FBXO38: variants seen among roughly 807,000 people sequenced by gnomAD.
FBXO38 encodes F-box only protein 38.
Under a neutral mutation model 131.9 loss-of-function variants are expected in FBXO38, and 53 were observed. The ratio of observed to expected loss-of-function variants is 0.40; its 90% CI spans 0.32 to 0.51. The LOEUF is 0.51. Among genes scored for constraint, FBXO38 ranks in the 20% least tolerant of loss-of-function variants. FBXO38 has a pLI of 0.53. For missense variants in FBXO38, 1,076 were observed against 1,475.6 expected (o/e 0.73, Z 4.44); for synonymous variants, 452 against 505.6 (o/e 0.89, Z 1.42).
intron 15 of FBXO38, among the ~76,000 whole-genome samples, chr5:148,429,180 C>T (rs1393675830): frequency 6.6e-6 from 1 of 152,146 alleles, no homozygotes. Flanking sequence ...GTCAGATATG[C>T]ATGTTTTCCT....
chr5:148,434,841 C>T (rs2113652374), intron 17 of FBXO38: 1 of 152,324 alleles, frequency 6.6e-6, no homozygotes, highest in Non-Finnish European at 1.5e-5. Flanking sequence ...CCTGTAATCC[C>T]AGCACTTTGG....
chr5:148,406,413 T>C lies in FBXO38; in HGVS notation c.868+19T>C. 1.3e-6 allele frequency: 2 copies of C among 1,521,830 alleles called. No individual in the cohort carries two copies. Among genetic ancestry groups the C allele is most frequent in the East Asian group, 2.4e-5 (1 of 42,516 alleles). 94.3% of individuals were successfully genotyped at this position (1,521,830 alleles called of 1,614,324 possible). A position where few individuals can be genotyped will look rare whatever the true frequency, so the allele number is the denominator to read the frequency against. On this transcript the variant is annotated intron_variant, in intron 7 of 21. Coordinates refer to ENST00000340253, the MANE Select transcript of FBXO38 (RefSeq NM_205836.3). Reference sequence around the variant, plus strand: ...AGATCAGGTATTCATTTTCTTTAATTACTAAATATTTTTTAAAAATCAACT... The same window carrying C: ...AGATCAGGTATTCATTTTCTTTAATCACTAAATATTTTTTAAAAATCAACT...
intron 15 of FBXO38, among the ~76,000 whole-genome samples, chr5:148,429,860 G>C (rs1024072583): frequency 1.3e-5 from 2 of 151,668 alleles, no homozygotes; most frequent in African/African-American, 4.8e-5. Context: ...TTTTTCTTAA[G>C]TTAAATCATT....
intron 7 of FBXO38, among the ~76,000 whole-genome samples, chr5:148,406,963 T>A (rs1561523596): frequency 6.6e-6 from 1 of 152,008 alleles, no homozygotes; most frequent in Non-Finnish European, 1.5e-5. Flanking sequence ...AGAAAAAAAA[T>A]AGTGGTTTAG....
chr5:148,387,569 C>T (rs1757977505), intron 1 of FBXO38, among the ~76,000 whole-genome samples: 1 of 152,148 alleles, frequency 6.6e-6, no homozygotes, highest in Admixed American at 6.5e-5. Flanking sequence ...TCCCATGAAT[C>T]ACAGACGTTC....
At chr5:148,397,268 C>T (rs569497522) in intron 2 of FBXO38, among the ~76,000 whole-genome samples, 49 of 152,226 alleles carry the variant, frequency 3.2e-4, no homozygotes, top group African/African-American at 1.0e-3. Context: ...TATATTTGAT[C>T]TGTCTTCTGA....
chr5:148,389,672 T>C (rs1758094981), intron 1 of FBXO38: 1 of 152,188 alleles, frequency 6.6e-6, no homozygotes, highest in Non-Finnish European at 1.5e-5. Context: ...AGTTTTCTCC[T>C]CACTTTCTTT....
At chr5:148,436,384 C>G (rs1174185751) in intron 17 of FBXO38, among the ~76,000 whole-genome samples, 1 of 152,134 alleles carries the variant, frequency 6.6e-6, no homozygotes, top group Non-Finnish European at 1.5e-5. Flanking sequence ...AGCCCAAGTG[C>G]TTAAAAATTC....
intron 12 of FBXO38, among the ~76,000 whole-genome samples, chr5:148,418,758 A>G (rs1290679784): frequency 6.6e-6 from 1 of 152,224 alleles, no homozygotes; most frequent in Admixed American, 6.5e-5. Flanking sequence ...GTTTGAGTTG[A>G]CACACAGATT....
intron 3 of FBXO38, chr5:148,399,630 A>G (rs527855800): frequency 1.0e-4 from 16 of 152,996 alleles, no homozygotes; most frequent in Admixed American, 4.6e-4. Flanking sequence ...TAAGCCACTG[A>G]CTGACCTTAC....
chr5:148,438,415 C>T lies in FBXO38; in HGVS notation c.2941C>T (p.Leu981=). 1 of 1,614,066 alleles carries T rather than the reference C, an allele frequency of 6.2e-7. No individual in the cohort carries two copies. The highest frequency in any genetic ancestry group is 2.2e-5 in the East Asian group (1 of 44,880). The part of the protein sequence containing the change: ...NRFDYAQCKK[L]NMDQVLDQIL... ...ATTTGACTATGCACAGTGCAAGAAA[C>T]TGAACATGGATCAGGTACTAGACCA... Residue 981 remains leucine, a synonymous_variant, in exon 18 of 22, where the codon CTG becomes TTG. Coordinates refer to ENST00000340253, the MANE Select transcript of FBXO38 (RefSeq NM_205836.3).
intron 2 of FBXO38, 67 bp from the exon 3 acceptor site, chr5:148,398,932 A>T: frequency 6.4e-7 from 1 of 1,568,832 alleles, no homozygotes; most frequent in Non-Finnish European, 8.7e-7. Flanking sequence ...AAGGAAAAAA[A>T]AATAACTTAC....
In FBXO38 at chr5:148,438,415, C is replaced by G. The variant is rs367636419; in HGVS notation, c.2941C>G (p.Leu981Val). 3.1e-6 allele frequency: 5 copies of G among 1,613,948 alleles called. No homozygotes were observed. In the African/African-American group the frequency reaches 6.7e-5, roughly 22 times the overall value. The change falls in exon 18 of 22, where the codon CTG becomes GTG. Residue 981 changes from leucine to valine, a missense_variant. Leu to Val is a conservative substitution (Grantham distance 32, BLOSUM62 1). Transcript: ENST00000340253. Reference protein sequence around the residue: ...NRFDYAQCKKLNMDQVLDQIL... With the variant: ...NRFDYAQCKKVNMDQVLDQIL... ...ATTTGACTATGCACAGTGCAAGAAA[C>G]TGAACATGGATCAGGTACTAGACCA...
In FBXO38 at chr5:148,424,064, C is replaced by T. The variant is rs748051444; in HGVS notation, c.1685C>T (p.Thr562Ile). ...GTGGTGGCCGAGAGTGGAAATAATA[C>T]TCCAGCTCACAGCCAGGCAATTATT... The part of the protein sequence containing the change: ...GEVVAESGNN[T>I]PAHSQAIIPV... Residue 562 changes from threonine to isoleucine, a missense_variant, in exon 13 of 22, where the codon ACT becomes ATT. Physicochemically the swap from Thr to Ile is moderately conservative, Grantham distance 89. This residue lies in a region of FBXO38 where 212 missense variants were observed against 221.2 expected (regional missense o/e 0.96). Transcript: ENST00000340253. The T allele has an allele frequency of 6.8e-6, 11 of 1,613,402 alleles. No homozygotes were observed. The highest frequency in any genetic ancestry group is 4.5e-5 in the East Asian group (2 of 44,872).
At chr5:148,433,107 A>G (rs550239604) in intron 15 of FBXO38, 10 of 219,170 alleles carry the variant, frequency 4.6e-5, no homozygotes, top group Non-Finnish European at 9.1e-5. Flanking sequence ...AGTAGGAAAG[A>G]TAGGAGTTCA....
chr5:148,422,354 C>T (rs1308403177), intron 12 of FBXO38, among the ~76,000 whole-genome samples: 2 of 152,124 alleles, frequency 1.3e-5, no homozygotes, highest in Non-Finnish European at 2.9e-5. Flanking sequence ...CTAGAATTCC[C>T]TCCTTCCATG....
At chr5:148,418,883 G>A (rs953063008) in intron 12 of FBXO38, among the ~76,000 whole-genome samples, 1 of 152,152 alleles carries the variant, frequency 6.6e-6, no homozygotes, top group Non-Finnish European at 1.5e-5. Context: ...TCAAGAACAT[G>A]TTTGATTTAA....
At chr5:148,385,878 A>C (rs1010831258) in intron 1 of FBXO38, among the ~76,000 whole-genome samples, 1 of 152,168 alleles carries the variant, frequency 6.6e-6, no homozygotes, top group Non-Finnish European at 1.5e-5. Flanking sequence ...GATCATTGAG[A>C]ATATAGGGAA....
Position 148,394,912 on chromosome 5 carries a change from T to C in FBXO38, c.128+8T>C. The C allele has an allele frequency of 6.4e-7, 1 of 1,565,592 alleles. No individual in the cohort carries two copies. Among genetic ancestry groups the C allele is most frequent in the Non-Finnish European group, 8.7e-7 (1 of 1,155,736 alleles). On this transcript the variant is annotated splice_region_variant and intron_variant, in intron 2 of 21. Coordinates refer to ENST00000340253, the MANE Select transcript of FBXO38 (RefSeq NM_205836.3). Reference sequence around the variant, plus strand: ...ACTTTGCCATATTTTTAGGTAAGATTGTGTTTGGTTGGCTTACCTGCCTGG... The same window carrying C: ...ACTTTGCCATATTTTTAGGTAAGATCGTGTTTGGTTGGCTTACCTGCCTGG...
Sources: gnomAD v4.1 joint callset for allele counts (sites outside exome capture counted in the v4.1 genomes callset) on GRCh38, gnomAD v4.1.1 for gene constraint, gnomAD v4.1.1 regional missense constraint, MANE v1.5 for transcripts, NCBI Gene and HGNC (gene_info 2026-07-23, HGNC 2026-07-21) for gene names.